Variants in TTLL2 observed in about 807,000 individuals in gnomAD.
TTLL2 encodes the protein probable tubulin polyglutamylase TTLL2.
TTLL2 carries 10 observed loss-of-function variants against 7.5 expected under a neutral mutation model. The observed-to-expected ratio is 1.33, with a 90% CI of 0.82 to 2.25. The LOEUF is 2.25. TTLL2 is among the 30% of genes most tolerant of loss of function. The pLI, the probability that TTLL2 is intolerant of heterozygous loss-of-function variation, is 0.00. For synonymous variants in TTLL2, 284 were observed against 280.3 expected, an observed-to-expected ratio of 1.01 and a Z score of -0.13; for missense variants, 733 against 735.7, an observed-to-expected ratio of 1.00 and a Z score of 0.04.
chr6:167,338,665 C>A lies in TTLL2; in HGVS notation c.66C>A (p.Thr22=). The A allele has an allele frequency of 6.2e-7, 1 of 1,613,746 alleles. No homozygotes were observed. Among genetic ancestry groups the A allele is most frequent in the African/African-American group, 1.3e-5 (1 of 75,022 alleles). ...TTCACAGATCTTTGAGAACCACCAC[C>A]CCAGCCTTTACCCTTAACATTCCAT... ...SQALGSLRTT[T]PAFTLNIPSE... Residue 22 remains threonine, a synonymous_variant, in exon 2 of 3, where the codon ACC becomes ACA. Coordinates refer to ENST00000239587, the MANE Select transcript of TTLL2 (RefSeq NM_031949.5).
At chr6:167,327,888 C>T (rs1478253637) in intron 1 of TTLL2, 3 of 407,936 alleles carry the variant, frequency 7.4e-6, no homozygotes, top group East Asian at 7.2e-5. Flanking sequence ...TATTCATTGG[C>T]GGATGTTTTC....
rs140708449 is a variant in TTLL2 at position 167,341,299 on chromosome 6, G to C, written c.1399G>C (p.Glu467Gln). 5.0e-6 allele frequency: 8 copies of C among 1,613,530 alleles called. No homozygotes were observed. Among genetic ancestry groups the C allele is most frequent in the Non-Finnish European group, 6.8e-6 (8 of 1,179,988 alleles). The change falls in exon 3 of 3, where the codon GAG becomes CAG. Residue 467 changes from glutamate (E) to glutamine (Q), a missense_variant. By Grantham distance (29) the Glu-to-Gln change is conservative. Coordinates refer to ENST00000239587, the MANE Select transcript of TTLL2 (RefSeq NM_031949.5). ...SLSFTSRMYN[E>Q]DDSVVEKAVS... is the part of the protein sequence containing the mutation. Reference sequence around the variant, plus strand: ...TTCGTTCACAAGCAGAATGTACAACGAGGATGACTCTGTGGTGGAGAAAGC... The same window carrying C: ...TTCGTTCACAAGCAGAATGTACAACCAGGATGACTCTGTGGTGGAGAAAGC...
intron 1 of TTLL2, among the ~76,000 whole-genome samples, chr6:167,331,284 T>G (rs1423965209): frequency 6.6e-6 from 1 of 152,138 alleles, no homozygotes; most frequent in Non-Finnish European, 1.5e-5. Flanking sequence ...TCCAGCTATT[T>G]GAAACTATTA....
rs1469305417 is a variant in TTLL2 at position 167,340,461 on chromosome 6, C to T, written c.561C>T (p.Asp187=). 9 of 1,614,036 alleles carry T rather than the reference C, an allele frequency of 5.6e-6. No homozygotes were observed. Among genetic ancestry groups the T allele is most frequent in the Non-Finnish European group, 7.6e-6 (9 of 1,180,050 alleles). The change falls in exon 3 of 3, where the codon GAC becomes GAT. Residue 187 remains aspartate (D), a synonymous_variant. Coordinates refer to ENST00000239587, the MANE Select transcript of TTLL2 (RefSeq NM_031949.5). ...CCCTGACGTTCGTCATGCCCAATGA[C>T]TATACCAAGTTCGTGGCTGAATACT... ...FIPLTFVMPN[D]YTKFVAEYFQ... is the part of the protein sequence containing the mutation.
chr6:167,337,888 G>A (rs768931904), intron 1 of TTLL2, among the ~76,000 whole-genome samples: 2 of 149,422 alleles, frequency 1.3e-5, no homozygotes, highest in Admixed American at 1.3e-4. Context: ...AATATAAGCA[G>A]CATACACACA....
chr6:167,325,375 A>C (rs1387287561), intron 1 of TTLL2, among the ~76,000 whole-genome samples, 155 bp downstream of exon 1: 1 of 152,206 alleles, frequency 6.6e-6, no homozygotes, highest in Non-Finnish European at 1.5e-5. Context: ...TCAGCCCTTC[A>C]TACTCCTTCA....
rs1403723593 is a variant in TTLL2, at chr6:167,340,132, G to T, written c.232G>T (p.Glu78Ter). The T allele has an allele frequency of 6.3e-7, 1 of 1,588,042 alleles. No homozygotes were observed. ...AAAACCTCATTTGATGGCGGAAGATGAACCTTCAGGGGCCCTCTTGAAGCC... is the reference window on the plus strand; with the variant it reads ...AAAACCTCATTTGATGGCGGAAGATTAACCTTCAGGGGCCCTCTTGAAGCC... ...KKKPHLMAED[E>*]PSGALLKPLV... Residue 78 changes from glutamate (E) to a stop codon, truncating the protein, a stop_gained, in exon 3 of 3, where the codon GAA becomes TAA. Coordinates refer to ENST00000239587, the MANE Select transcript of TTLL2 (RefSeq NM_031949.5). LOFTEE classifies it low-confidence loss of function (END_TRUNC).
At chr6:167,326,923 T>C (rs910721408) in intron 1 of TTLL2, among the ~76,000 whole-genome samples, 1 of 152,078 alleles carries the variant, frequency 6.6e-6, no homozygotes, top group Non-Finnish European at 1.5e-5. Flanking sequence ...GTTAAGGATG[T>C]ACCCAGGAAA....
intron 1 of TTLL2, among the ~76,000 whole-genome samples, chr6:167,332,332 C>T (rs1005628433): frequency 1.3e-5 from 2 of 152,146 alleles, no homozygotes; most frequent in East Asian, 3.8e-4. Context: ...ATTAGTACAA[C>T]AGTAAGTTAC....
rs35888550 is a variant in TTLL2, at chr6:167,341,434, C to T, written c.1534C>T (p.Arg512Trp). The T allele has an allele frequency of 9.3e-4, 1,496 of 1,614,008 alleles. 18 individuals carry two copies. In the African/African-American group the frequency reaches 0.015, roughly 16 times the overall value. Residue 512 changes from arginine to tryptophan, a missense_variant, in exon 3 of 3, where the codon CGG becomes TGG. Transcript: ENST00000239587. ...GATGCCACAAAGCAAGCCCAAGTTA[C>T]GGAGCAGGCACACGCCTCACAAGAC... is the stretch of plus-strand genomic sequence containing the variant. ...REMPQSKPKL[R>W]SRHTPHKTLM... is the part of the protein sequence containing the mutation.
rs751569634 is a variant in TTLL2, at chr6:167,341,677, TAA to T, written c.1778_1779del (p.Ter593CysfsTer63). Reference sequence around the variant, plus strand: ...GAAACTAATGAATAAGCAACATTCCTAAGTGGTAAAAAATCAAATCAAGAAAA... The same window carrying T: ...GAAACTAATGAATAAGCAACATTCCTGTGGTAAAAAATCAAATCAAGAAAA... The part of the protein sequence containing the change: ...LQKLMNKQHS[*>X] On this transcript the variant is annotated frameshift_variant and stop_lost, in exon 3 of 3. Transcript: ENST00000239587. LOFTEE classifies it high-confidence loss of function. 6.3e-7 allele frequency: 1 copy of T among 1,587,628 alleles called. No individual in the cohort carries two copies. The highest frequency in any genetic ancestry group is 1.2e-5 in the South Asian group (1 of 86,154).
At chr6:167,332,317 TG>T (rs1322993019) in intron 1 of TTLL2, among the ~76,000 whole-genome samples, 1 of 152,144 alleles carries the variant, frequency 6.6e-6, no homozygotes, top group African/African-American at 2.4e-5. Flanking sequence ...AATCACTACT[TG>T]GTGATTAGTA....
chr6:167,330,298 C>T (rs997142473), intron 1 of TTLL2, among the ~76,000 whole-genome samples: 5 of 152,158 alleles, frequency 3.3e-5, no homozygotes. Flanking sequence ...TGGCTCATTC[C>T]TGTAGCCCCA....
intron 1 of TTLL2, among the ~76,000 whole-genome samples, chr6:167,332,508 T>C (rs944368987): frequency 6.6e-6 from 1 of 151,934 alleles, no homozygotes; most frequent in Non-Finnish European, 1.5e-5. Context: ...GGGGATGGCA[T>C]TGAATCTATA....
intron 1 of TTLL2, among the ~76,000 whole-genome samples, chr6:167,329,771 T>G (rs1778896635): frequency 6.6e-6 from 1 of 152,094 alleles, no homozygotes; most frequent in African/African-American, 2.4e-5. Flanking sequence ...GACCCTGTGG[T>G]TTTATGTGTT....
intron 1 of TTLL2, 134 bp from the exon 2 acceptor site, chr6:167,338,513 A>G: frequency 8.3e-7 from 1 of 1,200,754 alleles, no homozygotes; most frequent in Non-Finnish European, 1.1e-6. Flanking sequence ...GAACAATTTG[A>G]AAGCATTACT....
At chr6:167,332,253 T>G (rs569280885) in intron 1 of TTLL2, among the ~76,000 whole-genome samples, 1 of 152,152 alleles carries the variant, frequency 6.6e-6, no homozygotes, top group Admixed American at 6.5e-5. Context: ...TTTGCCTTTT[T>G]TGAACACAGT....
chr6:167,337,302 G>A (rs999439057), intron 1 of TTLL2, among the ~76,000 whole-genome samples: 2 of 152,194 alleles, frequency 1.3e-5, no homozygotes, highest in Non-Finnish European at 2.9e-5. Context: ...GGCTTGCCTG[G>A]GCAGCCCTGG....
At chr6:167,326,517 G>T (rs1339608965) in intron 1 of TTLL2, among the ~76,000 whole-genome samples, 1 of 152,090 alleles carries the variant, frequency 6.6e-6, no homozygotes, top group Non-Finnish European at 1.5e-5. Context: ...GAGGGTGACT[G>T]ATCTCCACAA....
Sources: allele counts gnomAD v4.1 joint callset (sites outside exome capture counted in the v4.1 genomes callset), GRCh38; gene constraint gnomAD v4.1.1; transcripts MANE v1.5; gene names NCBI Gene and HGNC (gene_info 2026-07-23, HGNC 2026-07-21).